The following EYS variants were observed in gnomAD, a reference collection of about 807,000 sequenced individuals.
The protein encoded by EYS is protein eyes shut homolog.
Under a neutral mutation model 282.1 loss-of-function variants are expected in EYS, and 250 were observed. The ratio of observed to expected loss-of-function variants is 0.89; its 90% confidence interval spans 0.80 to 0.98. The LOEUF (loss-of-function observed/expected upper bound fraction) is 0.98. Among genes scored for constraint, EYS ranks in the 50% least tolerant of loss-of-function variants. The pLI, the probability that EYS is intolerant of heterozygous loss-of-function variation, is 0.00. For synonymous variants in EYS, 1,355 were observed against 1,282.9 expected (o/e 1.06, Z -1.20); for missense variants, 4,016 against 3,709.0 (o/e 1.08, Z -2.15).
At chr6:64,049,987 C>T (rs886381311) in intron 33 of EYS, among the ~76,000 whole-genome samples, 1 of 152,152 alleles carries the variant, frequency 6.6e-6, no homozygotes, top group Non-Finnish European at 1.5e-5. Context: ...GATGAATTTG[C>T]AAGAAGGCTG....
At chr6:65,370,880 A>C (rs371370764) in intron 8 of EYS, among the ~76,000 whole-genome samples, 1 of 152,104 alleles carries the variant, frequency 6.6e-6, no homozygotes, top group East Asian at 1.9e-4. Context: ...CATATAAAGA[A>C]ACAAATATAT....
chr6:64,739,713 T>C (rs1337341864), intron 22 of EYS, among the ~76,000 whole-genome samples: 1 of 152,122 alleles, frequency 6.6e-6, no homozygotes. Context: ...AAAATTTCTA[T>C]TTACCACAAA....
intron 22 of EYS, among the ~76,000 whole-genome samples, chr6:64,783,525 A>G (rs983556987): frequency 1.3e-5 from 2 of 152,104 alleles, no homozygotes; most frequent in African/African-American, 4.8e-5. Flanking sequence ...AGGTAAAACT[A>G]TATTCACGTT....
At chr6:65,555,691 G>A (rs886233446) in intron 2 of EYS, among the ~76,000 whole-genome samples, 1 of 151,972 alleles carries the variant, frequency 6.6e-6, no homozygotes, top group Non-Finnish European at 1.5e-5. Context: ...ATTAATAACT[G>A]TTTCTTACTT....
intron 2 of EYS, among the ~76,000 whole-genome samples, chr6:65,609,259 G>A (rs1188287229): frequency 4.0e-5 from 6 of 149,228 alleles, no homozygotes; most frequent in Non-Finnish European, 8.9e-5. Flanking sequence ...TATCTTATAG[G>A]ACCACCTTAG....
intron 41 of EYS, among the ~76,000 whole-genome samples, chr6:63,734,976 A>G (rs116523390): frequency 0.012 from 1,806 of 152,246 alleles, 29 homozygotes; most frequent in African/African-American, 0.042. Context: ...CACACAAAAT[A>G]TATACAAATA....
chr6:63,824,580 C>T (rs1771407939), intron 36 of EYS, among the ~76,000 whole-genome samples: 2 of 152,188 alleles, frequency 1.3e-5, no homozygotes, highest in Non-Finnish European at 2.9e-5. Context: ...AGCACCCCAG[C>T]TGCGGAAGTG....
intron 30 of EYS, among the ~76,000 whole-genome samples, chr6:64,280,813 G>A (rs1417967037): frequency 6.6e-6 from 1 of 152,220 alleles, no homozygotes; most frequent in East Asian, 1.9e-4. Flanking sequence ...ATTGATGAAG[G>A]CTTAAGCAAG....
chr6:65,676,982 A>T (rs1251161783), intron 1 of EYS, among the ~76,000 whole-genome samples: 1 of 151,636 alleles, frequency 6.6e-6, no homozygotes, highest in Non-Finnish European at 1.5e-5. Flanking sequence ...ATGTAGAAAA[A>T]ATTTGACAAA....
At chr6:65,378,887 G>A (rs1243895648) in intron 8 of EYS, among the ~76,000 whole-genome samples, 2 of 151,972 alleles carry the variant, frequency 1.3e-5, no homozygotes, top group South Asian at 4.2e-4. Flanking sequence ...CCTGTCAGGG[G>A]GTGGGGGACT....
chr6:64,984,494 T>C (rs1770785259), intron 14 of EYS, among the ~76,000 whole-genome samples: 1 of 151,464 alleles, frequency 6.6e-6, no homozygotes. Context: ...TATTAGTTTT[T>C]CACTCAGATT....
At chr6:64,036,933 C>T (rs979331593) in intron 33 of EYS, among the ~76,000 whole-genome samples, 3 of 152,072 alleles carry the variant, frequency 2.0e-5, no homozygotes, top group Admixed American at 2.0e-4. Flanking sequence ...TTCAACTATT[C>T]TTAGTAACTA....
chr6:63,755,789 T>C (rs1406783218), intron 41 of EYS, among the ~76,000 whole-genome samples: 2 of 152,164 alleles, frequency 1.3e-5, no homozygotes, highest in Non-Finnish European at 2.9e-5. Flanking sequence ...CATTTGTTTG[T>C]GTGTCCTCTC....
At chr6:65,640,596 G>T (rs1400501164) in intron 1 of EYS, among the ~76,000 whole-genome samples, 1 of 152,052 alleles carries the variant, frequency 6.6e-6, no homozygotes, top group East Asian at 1.9e-4. Context: ...TGGGAGTTTT[G>T]CTGTTATTGT....
intron 30 of EYS, among the ~76,000 whole-genome samples, chr6:64,258,716 T>G (rs936699428): frequency 6.6e-6 from 1 of 152,102 alleles, no homozygotes; most frequent in South Asian, 2.1e-4. Flanking sequence ...TCTAGGCTGC[T>G]CACATTCTGA....
At chr6:64,921,383 T>C (rs962045081) in intron 15 of EYS, among the ~76,000 whole-genome samples, 1 of 152,164 alleles carries the variant, frequency 6.6e-6, no homozygotes, top group Non-Finnish European at 1.5e-5. Flanking sequence ...TGTCTTATTT[T>C]TTAATAAAAC....
chr6:65,274,011 G>A (rs147513215), intron 12 of EYS, among the ~76,000 whole-genome samples: 51 of 152,194 alleles, frequency 3.4e-4, no homozygotes, highest in African/African-American at 1.2e-3. Flanking sequence ...TTAGAACTGG[G>A]GCTTATGGAG....
chr6:65,523,757 C>T (rs1027423282), intron 2 of EYS, among the ~76,000 whole-genome samples: 4 of 152,044 alleles, frequency 2.6e-5, no homozygotes, highest in Non-Finnish European at 5.9e-5. Context: ...ATAGCTACAT[C>T]AGGGGTAGTC....
At chr6:65,083,208 G>A (rs898768923) in intron 12 of EYS, among the ~76,000 whole-genome samples, 4 of 151,916 alleles carry the variant, frequency 2.6e-5, no homozygotes, top group African/African-American at 9.7e-5. Flanking sequence ...CCTTTAAAAG[G>A]GTGGGGTGGG....
Sources: gnomAD v4.1 joint callset for allele counts (sites outside exome capture counted in the v4.1 genomes callset) on GRCh38, gnomAD v4.1.1 for gene constraint, MANE v1.5 for transcripts, NCBI Gene and HGNC (gene_info 2026-07-23, HGNC 2026-07-21) for gene names.